Variants in SOBP observed in about 807,000 individuals in gnomAD.
SOBP encodes sine oculis-binding protein homolog.
SOBP carries 4 observed loss-of-function variants against 53.6 expected under a neutral mutation model. That is an observed-to-expected ratio of 0.07 (90% CI 0.04 to 0.17). The LOEUF is 0.17. SOBP is among the 10% of genes least tolerant of loss of function. The pLI, the probability that SOBP is intolerant of heterozygous loss-of-function variation, is 1.00. For synonymous variants in SOBP, 584 were observed against 522.6 expected (o/e 1.12, Z -1.60); for missense variants, 1,088 against 1,204.7 (o/e 0.90, Z 1.43).
In SOBP at chr6:107,633,978, C is replaced by G. The variant is rs1384010911; in HGVS notation, c.1134C>G (p.Val378=). ...CTAGCATCGGGCCTCCCCTTGGCGT[C>G]CCGCCTCGGAGCCCTCCCATGGTGA... ...PPASIGPPLG[V]PPRSPPMVMT... The change falls in exon 6 of 7, where the codon GTC becomes GTG. Residue 378 remains valine, a synonymous_variant. Coordinates refer to ENST00000317357, the MANE Select transcript of SOBP (RefSeq NM_018013.4). The G allele has an allele frequency of 3.1e-6, 5 of 1,614,124 alleles. No individual in the cohort carries two copies. Among genetic ancestry groups the G allele is most frequent in the Non-Finnish European group, 1.7e-6 (2 of 1,180,008 alleles).
At chr6:107,640,364 C>T (rs1473466237) in intron 6 of SOBP, among the ~76,000 whole-genome samples, 2 of 152,188 alleles carry the variant, frequency 1.3e-5, no homozygotes, top group Non-Finnish European at 2.9e-5. Context: ...CTTGTGCTAT[C>T]TAATGGTCCA....
At chr6:107,625,248 G>A (rs899499427) in intron 5 of SOBP, among the ~76,000 whole-genome samples, 10 of 152,204 alleles carry the variant, frequency 6.6e-5, no homozygotes, top group African/African-American at 1.9e-4. Flanking sequence ...TCATTAGAGT[G>A]TCCTGGAGAT....
chr6:107,497,580 A>G (rs901696165), intron 1 of SOBP, among the ~76,000 whole-genome samples: 1 of 152,158 alleles, frequency 6.6e-6, no homozygotes, highest in Non-Finnish European at 1.5e-5. Flanking sequence ...ATGTCTTTTC[A>G]TGCCCTTTCT....
chr6:107,533,634 G>A (rs777692113), intron 4 of SOBP, 24 bp downstream of exon 4: 7 of 1,613,596 alleles, frequency 4.3e-6, no homozygotes, highest in Middle Eastern at 1.6e-4. Context: ...AGAGAGAGGC[G>A]GCCCCCCACA....
chr6:107,537,290 A>C (rs1287611230), intron 4 of SOBP, among the ~76,000 whole-genome samples: 3 of 152,210 alleles, frequency 2.0e-5, no homozygotes, highest in African/African-American at 7.2e-5. Context: ...CCTGTGTTTG[A>C]TCTCTTTCCT....
At chr6:107,603,901 A>G (rs539973682) in intron 5 of SOBP, among the ~76,000 whole-genome samples, 7 of 150,850 alleles carry the variant, frequency 4.6e-5, no homozygotes, top group African/African-American at 1.7e-4. Flanking sequence ...TCCATGGGAA[A>G]GTTTTCTTAT....
chr6:107,586,765 A>G (rs1785581444), intron 4 of SOBP, among the ~76,000 whole-genome samples: 1 of 152,206 alleles, frequency 6.6e-6, no homozygotes, highest in Non-Finnish European at 1.5e-5. Flanking sequence ...TATAATCCTA[A>G]ATGTGCAATG....
intron 1 of SOBP, among the ~76,000 whole-genome samples, chr6:107,497,994 G>A (rs1782743062): frequency 6.6e-6 from 1 of 152,124 alleles, no homozygotes; most frequent in Admixed American, 6.5e-5. Flanking sequence ...AATACTACAT[G>A]TTATAATTTT....
rs1782899277 is a variant in SOBP at position 107,503,601 on chromosome 6, C to A, written c.97-56C>A. Reference sequence around the variant, plus strand: ...ACAAGCAGAATTCAATTTATGCATTCTTTTCAAGTAGTTATTGATTATAGA... The same window carrying A: ...ACAAGCAGAATTCAATTTATGCATTATTTTCAAGTAGTTATTGATTATAGA... On this transcript the variant is annotated intron_variant, in intron 1 of 6. Transcript: ENST00000317357. 6.3e-6 allele frequency: 10 copies of A among 1,593,402 alleles called. No individual in the cohort carries two copies. In the Admixed American group the frequency reaches 1.0e-4, roughly 16 times the overall value.
chr6:107,514,757 A>C (rs988260035), intron 3 of SOBP: 1 of 152,160 alleles, frequency 6.6e-6, no homozygotes, highest in Non-Finnish European at 1.5e-5. Flanking sequence ...TTATTTCCCT[A>C]TATTTATAAA....
intron 6 of SOBP, among the ~76,000 whole-genome samples, chr6:107,655,891 T>G (rs1772012365): frequency 6.6e-6 from 1 of 152,148 alleles, no homozygotes; most frequent in African/African-American, 2.4e-5. Context: ...GTGATTGCAT[T>G]AAAGAAAAAA....
At chr6:107,583,156 A>G (rs1000273078) in intron 4 of SOBP, among the ~76,000 whole-genome samples, 1 of 152,232 alleles carries the variant, frequency 6.6e-6, no homozygotes, top group Non-Finnish European at 1.5e-5. Flanking sequence ...GGTCCTATGG[A>G]TGTTGTCTAA....
At chr6:107,615,862 AAATT>A (rs2115109652) in intron 5 of SOBP, among the ~76,000 whole-genome samples, 1 of 151,742 alleles carries the variant, frequency 6.6e-6, no homozygotes, top group East Asian at 1.9e-4. Context: ...CTCTAAAAAA[AAATT>A]TATAAATTAT....
chr6:107,616,142 T>C (rs1786786685), intron 5 of SOBP, among the ~76,000 whole-genome samples: 1 of 150,298 alleles, frequency 6.7e-6, no homozygotes, highest in Non-Finnish European at 1.5e-5. Flanking sequence ...AATCAGGAGC[T>C]TTTCTTTCCC....
At chr6:107,657,570 C>T (rs2114259622) in intron 6 of SOBP, among the ~76,000 whole-genome samples, 1 of 152,184 alleles carries the variant, frequency 6.6e-6, no homozygotes, top group East Asian at 1.9e-4. Context: ...ATCTATTGGC[C>T]CTCTTTTCAG....
At chr6:107,504,739 T>G (rs1782934216) in intron 2 of SOBP, among the ~76,000 whole-genome samples, 1 of 152,282 alleles carries the variant, frequency 6.6e-6, no homozygotes, top group African/African-American at 2.4e-5. Context: ...CAAGGAAATG[T>G]AATTGAGCTG....
intron 3 of SOBP, among the ~76,000 whole-genome samples, chr6:107,512,031 G>C (rs1462005996): frequency 6.6e-6 from 1 of 151,530 alleles, no homozygotes; most frequent in African/African-American, 2.4e-5. Flanking sequence ...TCTAGGAAAT[G>C]AACAGAATAA....
intron 4 of SOBP, among the ~76,000 whole-genome samples, chr6:107,553,477 C>T (rs1005352888): frequency 1.3e-5 from 2 of 150,866 alleles, no homozygotes; most frequent in Non-Finnish European, 1.5e-5. Flanking sequence ...TACAGGTGCA[C>T]GCCACTACAC....
At chr6:107,577,318 C>CTAT (rs1562627636) in intron 4 of SOBP, among the ~76,000 whole-genome samples, 1 of 152,254 alleles carries the variant, frequency 6.6e-6, no homozygotes, top group Admixed American at 6.5e-5. Context: ...ACTTCTGTCT[C>CTAT]TATTATTCCT....
Sources: allele counts gnomAD v4.1 joint callset (sites outside exome capture counted in the v4.1 genomes callset), GRCh38; gene constraint gnomAD v4.1.1; transcripts MANE v1.5; gene names NCBI Gene and HGNC (gene_info 2026-07-23, HGNC 2026-07-21).